The following ADAMTS16 variants were observed in gnomAD, a reference collection of about 807,000 sequenced individuals.
ADAMTS16 encodes A disintegrin and metalloproteinase with thrombospondin motifs 16.
In ADAMTS16, 94 loss-of-function variants were observed where a neutral mutation model predicts 145.8. The observed-to-expected ratio is 0.64, with a 90% CI of 0.55 to 0.77. The LOEUF (loss-of-function observed/expected upper bound fraction) is 0.77, where lower values mean the gene tolerates loss of function less well. ADAMTS16 is among the 30% of genes least tolerant of loss of function. ADAMTS16 has a pLI of 0.00. For synonymous variants in ADAMTS16, 659 were observed against 604.3 expected, an observed-to-expected ratio of 1.09 and a Z score of -1.33; for missense variants, 1,585 against 1,591.5, an observed-to-expected ratio of 1.00 and a Z score of 0.07.
chr5:5,230,603 G>T (rs149850544), intron 11 of ADAMTS16, among the ~76,000 whole-genome samples: 1 of 152,146 alleles, frequency 6.6e-6, no homozygotes, highest in African/African-American at 2.4e-5. Context: ...AAGGGCTCCT[G>T]TACTATTTCC....
intron 7 of ADAMTS16, among the ~76,000 whole-genome samples, chr5:5,190,972 GTGGGTGCCTA>G (rs56278049): frequency 0.18 from 27,372 of 152,038 alleles, 2,584 homozygotes; most frequent in East Asian, 0.26. Flanking sequence ...ACTTTAGGCA[GTGGGTGCCTA>G]TGTGACCAGC....
At chr5:5,174,616 A>C (rs1004472330) in intron 3 of ADAMTS16, among the ~76,000 whole-genome samples, 1 of 152,120 alleles carries the variant, frequency 6.6e-6, no homozygotes, top group African/African-American at 2.4e-5. Context: ...TAGATCTTGT[A>C]GGCATGCTTC....
In ADAMTS16 at chr5:5,232,302, T is replaced by G; in HGVS notation, c.1702-66T>G. On this transcript the variant is annotated intron_variant, in intron 11 of 22. Transcript: ENST00000274181. ...TCCCCACTGCTCAGCCTTATAGCAG[T>G]GATGAGATGAACCCATCTATCCATC... 5 of 1,588,736 alleles carry G rather than the reference T, an allele frequency of 3.1e-6. No individual in the cohort carries two copies. In the Admixed American group the frequency reaches 6.7e-5, roughly 21 times the overall value.
At chr5:5,249,519 A>G (rs2913640) in intron 17 of ADAMTS16, among the ~76,000 whole-genome samples, 151,183 of 152,114 alleles carry the variant, frequency 0.99, 75,131 homozygotes, top group Middle Eastern at 1. Context: ...GCAGATGGGT[A>G]TAGGAACCAG....
intron 18 of ADAMTS16, among the ~76,000 whole-genome samples, chr5:5,302,697 TA>T (rs1739835390): frequency 6.6e-6 from 1 of 152,206 alleles, no homozygotes; most frequent in Non-Finnish European, 1.5e-5. Context: ...ACAAACATAT[TA>T]AATTATGATA....
intron 17 of ADAMTS16, among the ~76,000 whole-genome samples, chr5:5,247,536 GC>G: frequency 6.6e-6 from 1 of 152,218 alleles, no homozygotes; most frequent in African/African-American, 2.4e-5. Flanking sequence ...TTCCCAAAAA[GC>G]AGGAATTCTT....
At chr5:5,167,725 C>A (rs911696955) in intron 3 of ADAMTS16, among the ~76,000 whole-genome samples, 1 of 152,210 alleles carries the variant, frequency 6.6e-6, no homozygotes, top group Non-Finnish European at 1.5e-5. Context: ...GTGTTAATTA[C>A]CCAGGGTTCC....
At chr5:5,256,888 A>C (rs1335280895) in intron 17 of ADAMTS16, among the ~76,000 whole-genome samples, 4 of 152,246 alleles carry the variant, frequency 2.6e-5, no homozygotes, top group Non-Finnish European at 5.9e-5. Context: ...TAAACTTGAA[A>C]AGTAAGTGTA....
Position 5,319,736 on chromosome 5 carries a change from A to G in ADAMTS16, c.*598A>G. The G allele has an allele frequency of 2.5e-6, 1 of 392,962 alleles. No homozygotes were observed. Among genetic ancestry groups the G allele is most frequent in the South Asian group, 2.0e-5 (1 of 50,910 alleles). The allele number at this position is 392,962 out of a possible 1,614,324, so 24.3% of individuals were successfully genotyped here. On this transcript the variant is annotated 3_prime_UTR_variant, in exon 23 of 23. Transcript: ENST00000274181. Reference sequence around the variant, plus strand: ...CACCGCCGGAGCCAGCGTCATCTCTAGGGTCACTGGCCAGGGGACTGCATT... The same window carrying G: ...CACCGCCGGAGCCAGCGTCATCTCTGGGGTCACTGGCCAGGGGACTGCATT...
chr5:5,306,823 C>T, intron 21 of ADAMTS16, 95 bp downstream of exon 21: 1 of 1,269,388 alleles, frequency 7.9e-7, no homozygotes, highest in Non-Finnish European at 1.1e-6. Context: ...AGGGTGTTTT[C>T]CCCAAAGCTG....
At chr5:5,199,684 C>T (rs539975290) in intron 8 of ADAMTS16, among the ~76,000 whole-genome samples, 4 of 152,304 alleles carry the variant, frequency 2.6e-5, no homozygotes, top group Admixed American at 2.0e-4. Flanking sequence ...TTTGTTTGGA[C>T]AGCTCAAACG....
Position 5,318,274 on chromosome 5 carries a change from GAAGA to G in ADAMTS16, c.3556_3559del (p.Lys1186MetfsTer81). 6.8e-7 allele frequency: 1 copy of G among 1,471,798 alleles called. No homozygotes were observed. The highest frequency in any genetic ancestry group is 9.1e-7 in the Non-Finnish European group (1 of 1,099,452). The allele number at this position is 1,471,798 out of a possible 1,614,324, so 91.2% of individuals were successfully genotyped here. A position where few individuals can be genotyped will look rare whatever the true frequency, so the allele number is the denominator to read the frequency against. On this transcript the variant is annotated frameshift_variant, in exon 22 of 23. Transcript: ENST00000274181. LOFTEE classifies it low-confidence loss of function (END_TRUNC). ...ACACTCACTTCTGCCCCATTGCAGA[GAAGA>G]AAGGTGAGTACATGGGGCCCCTCAG... is the stretch of plus-strand genomic sequence containing the variant.
chr5:5,318,987 G>C, intron 22 of ADAMTS16, 36 bp from the exon 23 acceptor site: 2 of 1,483,702 alleles, frequency 1.3e-6, no homozygotes, highest in Non-Finnish European at 1.9e-6. Context: ...CGCTGCACTC[G>C]GGATCGCTGA....
intron 3 of ADAMTS16, among the ~76,000 whole-genome samples, chr5:5,170,065 A>C (rs1221032271): frequency 1.3e-5 from 2 of 152,210 alleles, no homozygotes; most frequent in African/African-American, 4.8e-5. Context: ...ATATATACTT[A>C]GGAATAGGAT....
chr5:5,218,244 T>C (rs1736491857), intron 10 of ADAMTS16, among the ~76,000 whole-genome samples: 1 of 152,238 alleles, frequency 6.6e-6, no homozygotes. Flanking sequence ...TTCTATTTAA[T>C]GTTTATGGAT....
chr5:5,203,166 G>C (rs190574887), intron 9 of ADAMTS16, among the ~76,000 whole-genome samples: 1 of 152,102 alleles, frequency 6.6e-6, no homozygotes, highest in Admixed American at 6.5e-5. Context: ...AAGGTTTTAC[G>C]TGCTTACAGA....
chr5:5,186,301 G>GGGGTGTGT lies in ADAMTS16; in HGVS notation c.963+51_963+52insGGTGTGTG, dbSNP rs368811446. 9.0e-3 allele frequency: 8,923 copies of GGGGTGTGT among 986,428 alleles called. 24 individuals carry two copies. Among genetic ancestry groups the GGGGTGTGT allele is most frequent in the Middle Eastern group, 0.024 (97 of 4,028 alleles). The allele number at this position is 986,428 out of a possible 1,614,324, so 61.1% of individuals were successfully genotyped here. ...CCACCTGTGTCATTGCACTTCGTAG[G>GGGGTGTGT]GTGTGTGTGTGTGTGTGTGTGTGTG... On this transcript the variant is annotated intron_variant, in intron 5 of 22. Coordinates refer to ENST00000274181, the MANE Select transcript of ADAMTS16 (RefSeq NM_139056.4).
chr5:5,306,743 C>T lies in ADAMTS16; in HGVS notation c.3411+15C>T, dbSNP rs751629162. On this transcript the variant is annotated intron_variant, in intron 21 of 22. Transcript: ENST00000274181. ...CCTGGTCTCAGGTAGGGGAGGCCCT[C>T]GGTTCCTGGAGAGTGGGCGAGCACA... The T allele has an allele frequency of 1.1e-5, 17 of 1,587,724 alleles. No individual in the cohort carries two copies. The highest frequency in any genetic ancestry group is 1.5e-5 in the Non-Finnish European group (17 of 1,166,014).
At position 5,319,555 on chromosome 5, in the gene ADAMTS16, C is replaced by T. The variant is rs1291323510; in HGVS notation, c.*417C>T. ...AAGGAAAACATACAAAATATGTACCCCCTAGTTCACCAGCCTCCCCTCCCA... is the reference window on the plus strand; with the variant it reads ...AAGGAAAACATACAAAATATGTACCTCCTAGTTCACCAGCCTCCCCTCCCA... On this transcript the variant is annotated 3_prime_UTR_variant, in exon 23 of 23. Coordinates refer to ENST00000274181, the MANE Select transcript of ADAMTS16 (RefSeq NM_139056.4). The T allele has an allele frequency of 4.7e-5, 14 of 300,110 alleles. No homozygotes were observed. Among genetic ancestry groups the T allele is most frequent in the African/African-American group, 6.7e-5 (3 of 44,632 alleles). 18.6% of individuals were successfully genotyped at this position (300,110 alleles called of 1,614,324 possible). A position where few individuals can be genotyped will look rare whatever the true frequency, so the allele number is the denominator to read the frequency against.
Sources: allele counts gnomAD v4.1 joint callset (sites outside exome capture counted in the v4.1 genomes callset), GRCh38; gene constraint gnomAD v4.1.1; transcripts MANE v1.5; gene names NCBI Gene and HGNC (gene_info 2026-07-23, HGNC 2026-07-21).